Variants in BCAS2 observed in about 807,000 individuals in gnomAD.
The protein encoded by BCAS2 is pre-mRNA-splicing factor SPF27.
A neutral mutation model predicts 35.3 loss-of-function variants in BCAS2; 34 were observed. The observed-to-expected ratio is 0.96, with a 90% confidence interval of 0.73 to 1.28. The LOEUF (loss-of-function observed/expected upper bound fraction) is 1.28. BCAS2 is among the 50% of genes most tolerant of loss of function. The pLI is 0.00. For missense variants in BCAS2, 221 were observed against 268.1 expected (o/e 0.82, Z 1.23); for synonymous variants, 75 against 91.6 (o/e 0.82, Z 1.03).
At chr1:114,571,918 TAGCACA>T (rs1361649314) in intron 4 of BCAS2, among the ~76,000 whole-genome samples, 1 of 152,230 alleles carries the variant, frequency 6.6e-6, no homozygotes, top group Admixed American at 6.5e-5. Context: ...CAGCTGTAAC[TAGCACA>T]GGGGAAAAGT....
intron 2 of BCAS2, among the ~76,000 whole-genome samples, chr1:114,579,528 A>G (rs1229090050): frequency 1.3e-5 from 2 of 152,182 alleles, no homozygotes; most frequent in Non-Finnish European, 2.9e-5. Flanking sequence ...ATATTTAGAA[A>G]AAGCATAGGA....
chr1:114,570,790 A>G, intron 4 of BCAS2, 40 bp from the exon 5 acceptor site: 2 of 1,362,240 alleles, frequency 1.5e-6, no homozygotes, highest in Non-Finnish European at 2.0e-6. Flanking sequence ...ATACATTAAA[A>G]TAGTACCAAT....
Position 114,576,713 on chromosome 1 carries a change from G to A in BCAS2, c.232C>T (p.Pro78Ser), listed in dbSNP as rs769652213. 6.2e-7 allele frequency: 1 copy of A among 1,611,064 alleles called. No individual in the cohort carries two copies. Among genetic ancestry groups the A allele is most frequent in the Non-Finnish European group, 8.5e-7 (1 of 1,179,040 alleles). Residue 78 changes from proline (P) to serine (S), a missense_variant, in exon 3 of 7, where the codon CCA becomes TCA. Coordinates refer to ENST00000369541, the MANE Select transcript of BCAS2 (RefSeq NM_005872.3). Reference protein sequence around the residue: ...NEFERLAARQPIELLSMKRYE... With the variant: ...NEFERLAARQSIELLSMKRYE... Reference sequence around the variant, plus strand: ...CGTTTCATACTGAGCAATTCAATTGGTTGTCGAGCAGCCAGTCTTTCAAAT... The same window carrying A: ...CGTTTCATACTGAGCAATTCAATTGATTGTCGAGCAGCCAGTCTTTCAAAT...
intron 2 of BCAS2, among the ~76,000 whole-genome samples, chr1:114,577,208 G>A (rs1249034439): frequency 6.7e-6 from 1 of 149,984 alleles, no homozygotes; most frequent in Non-Finnish European, 1.5e-5. Context: ...TGTTATAAAA[G>A]CCAGTTTGTC....
chr1:114,577,914 C>T (rs567290837), intron 2 of BCAS2, among the ~76,000 whole-genome samples: 7 of 152,268 alleles, frequency 4.6e-5, no homozygotes, highest in Admixed American at 3.9e-4. Context: ...TTTATTAGGC[C>T]GGGCGAGGTG....
At chr1:114,570,876 C>T (rs1254843464) in intron 4 of BCAS2, 126 bp from the exon 5 acceptor site, 2 of 696,684 alleles carry the variant, frequency 2.9e-6, no homozygotes, top group Non-Finnish European at 5.0e-6. Context: ...ATGTTGGACA[C>T]TCCATAATCG....
Position 114,581,479 on chromosome 1 carries a change from CAA to C in BCAS2, c.93+18_93+19del, listed in dbSNP as rs772885416. 2 of 1,614,046 alleles carry C rather than the reference CAA, an allele frequency of 1.2e-6. No homozygotes were observed. The highest frequency in any genetic ancestry group is 2.2e-5 in the South Asian group (2 of 91,076). On this transcript the variant is annotated intron_variant, in intron 1 of 6. Coordinates refer to ENST00000369541, the MANE Select transcript of BCAS2 (RefSeq NM_005872.3). Reference sequence around the variant, plus strand: ...GAGCCAGCTAGCAGTGAGTCAGCTACAAAGACACCCCGCACTCACCGCTTCCC... The same window carrying C: ...GAGCCAGCTAGCAGTGAGTCAGCTACAGACACCCCGCACTCACCGCTTCCC...
intron 4 of BCAS2, among the ~76,000 whole-genome samples, chr1:114,572,673 A>G (rs1654671174): frequency 6.6e-6 from 1 of 152,210 alleles, no homozygotes; most frequent in Non-Finnish European, 1.5e-5. Context: ...TGAGCCCTAA[A>G]CAAGCTGAAT....
intron 4 of BCAS2, among the ~76,000 whole-genome samples, chr1:114,574,200 A>C (rs1654707232): frequency 6.6e-6 from 1 of 152,236 alleles, no homozygotes; most frequent in East Asian, 1.9e-4. Flanking sequence ...TTGTAATCCC[A>C]AAATTACTAC....
At chr1:114,568,460 G>A (rs372540901) in intron 6 of BCAS2, among the ~76,000 whole-genome samples, 62 of 150,320 alleles carry the variant, frequency 4.1e-4, no homozygotes, top group African/African-American at 1.4e-3. Flanking sequence ...TCCGCCTCCC[G>A]GGTTCAAGGG....
Position 114,573,004 on chromosome 1 carries a change from G to A in BCAS2, c.420-2254C>T, listed in dbSNP as rs149848013. Among the ~76,000 whole-genome samples, 985 of 151,710 alleles carry A rather than the reference G, an allele frequency of 6.5e-3. 6 individuals carry two copies. The highest frequency in any genetic ancestry group is 0.027 in the Middle Eastern group (8 of 294). ...GGTGTCTATAATCCCACCTACTCTG[G>A]AGGCTGAGGCAGAAGAGTTGCTTGA... On this transcript the variant is annotated intron_variant, in intron 4 of 6. Transcript: ENST00000369541.
rs114406205 is a variant in BCAS2 at position 114,571,643 on chromosome 1, C to A, written c.420-893G>T. On this transcript the variant is annotated intron_variant, in intron 4 of 6. Transcript: ENST00000369541. ...AAAGTGTTGGAATTACATGTGTGAG[C>A]CACACGGCCTTTTGTCACTTCTTAA... Among the ~76,000 whole-genome samples, 1,081 of 152,306 alleles carry A rather than the reference C, an allele frequency of 7.1e-3. 10 individuals carry two copies. Among genetic ancestry groups the A allele is most frequent in the African/African-American group, 0.025 (1,054 of 41,566 alleles).
At chr1:114,580,476 T>G (rs529129622) in intron 2 of BCAS2, among the ~76,000 whole-genome samples, 21 of 152,238 alleles carry the variant, frequency 1.4e-4, no homozygotes, top group Non-Finnish European at 3.1e-4. Context: ...GGACACTCCC[T>G]TCTCTAATCC....
Position 114,567,881 on chromosome 1 carries a change from T to C in BCAS2, c.*249A>G. On this transcript the variant is annotated 3_prime_UTR_variant, in exon 7 of 7. Transcript: ENST00000369541. ...AATTAATTCTATGACACAATATTAT[T>C]CTAAAGTCATCCTTATTTTGAAAGC... The C allele has an allele frequency of 2.6e-6, 1 of 383,264 alleles. No individual in the cohort carries two copies. The highest frequency in any genetic ancestry group is 4.7e-6 in the Non-Finnish European group (1 of 214,856). 23.7% of individuals were successfully genotyped at this position (383,264 alleles called of 1,614,324 possible).
intron 4 of BCAS2, among the ~76,000 whole-genome samples, chr1:114,575,013 A>T (rs1654725879): frequency 6.7e-6 from 1 of 149,416 alleles, no homozygotes; most frequent in Non-Finnish European, 1.5e-5. Flanking sequence ...GTGACTACAG[A>T]AGCGCCACCA....
intron 2 of BCAS2, among the ~76,000 whole-genome samples, chr1:114,581,027 G>A (rs2101632137): frequency 6.6e-6 from 1 of 152,282 alleles, no homozygotes; most frequent in Middle Eastern, 3.4e-3. Context: ...GGGTCCCTTT[G>A]AGAATTTACG....
At chr1:114,575,516 A>T in intron 4 of BCAS2, 74 bp downstream of exon 4, 2 of 1,426,750 alleles carry the variant, frequency 1.4e-6, no homozygotes, top group Non-Finnish European at 1.9e-6. Context: ...TTTAAAATGT[A>T]CTAAAACTTT....
chr1:114,572,104 C>T (rs1654661266), intron 4 of BCAS2, among the ~76,000 whole-genome samples: 1 of 152,154 alleles, frequency 6.6e-6, no homozygotes, highest in Non-Finnish European at 1.5e-5. Context: ...CCACATCTGG[C>T]CCTAATGTGT....
At chr1:114,572,740 T>A (rs1284275314) in intron 4 of BCAS2, among the ~76,000 whole-genome samples, 1 of 152,152 alleles carries the variant, frequency 6.6e-6, no homozygotes, top group Admixed American at 6.5e-5. Context: ...GGATTTGCAA[T>A]AATCACCAGA....
Sources: allele counts gnomAD v4.1 joint callset (sites outside exome capture counted in the v4.1 genomes callset), GRCh38; gene constraint gnomAD v4.1.1; transcripts MANE v1.5; gene names NCBI Gene and HGNC (gene_info 2026-07-23, HGNC 2026-07-21).